SVIL: variants seen among roughly 807,000 people sequenced by gnomAD.
SVIL encodes the protein supervillin, also known as archvillin.
SVIL carries 101 observed loss-of-function variants against 240.4 expected under a neutral mutation model. The observed-to-expected ratio is 0.42, with a 90% CI of 0.36 to 0.50. The LOEUF is 0.50. Ranked by LOEUF, SVIL falls within the 20% of genes least tolerant of loss-of-function variation. The probability of loss-of-function intolerance (pLI) is 0.01; values close to 1 mark genes in which losing one functional copy is unlikely to be tolerated. For missense variants in SVIL, 2,512 were observed against 2,818.7 expected (o/e 0.89, Z 2.46); for synonymous variants, 999 against 1,100.0 (o/e 0.91, Z 1.82).
chr10:29,533,062 T>C lies in SVIL; in HGVS notation c.1305A>G (p.Glu435=), dbSNP rs1951490912. 6.2e-7 allele frequency: 1 copy of C among 1,614,080 alleles called. No individual in the cohort carries two copies. The highest frequency in any genetic ancestry group is 1.1e-5 in the South Asian group (1 of 91,082). Residue 435 remains glutamate (E), a synonymous_variant, in exon 8 of 38, where the codon GAA becomes GAG. Coordinates refer to ENST00000355867, the MANE Select transcript of SVIL (RefSeq NM_021738.3). ...SKAEEEEGEG[E]GEEKEEDVCF... is the part of the protein sequence containing the mutation. The stretch of plus-strand genomic sequence containing the variant: ...ACACATCTTCTTCTTTTTCTTCTCC[T>C]TCTCCTTCCCCTTCTTCTTCTTCTG...
intron 5 of SVIL, among the ~76,000 whole-genome samples, chr10:29,554,476 T>C (rs1953708788): frequency 6.6e-6 from 1 of 151,990 alleles, no homozygotes; most frequent in African/African-American, 2.4e-5. Context: ...AGACTCTGTC[T>C]CTACAAAAAT....
intron 1 of SVIL, among the ~76,000 whole-genome samples, chr10:29,726,227 A>G (rs1454318650): frequency 2.6e-5 from 4 of 152,094 alleles, no homozygotes; most frequent in Non-Finnish European, 4.4e-5. Flanking sequence ...TGGCCCCCAC[A>G]TATATCTTTT....
intron 21 of SVIL, among the ~76,000 whole-genome samples, chr10:29,491,708 A>G (rs190546994): frequency 4.1e-4 from 62 of 151,606 alleles, no homozygotes; most frequent in African/African-American, 1.4e-3. Flanking sequence ...TCCTGCTGCC[A>G]CTCTCCACCT....
intron 21 of SVIL, among the ~76,000 whole-genome samples, chr10:29,491,662 G>A (rs1002997086): frequency 6.6e-6 from 1 of 152,162 alleles, no homozygotes; most frequent in African/African-American, 2.4e-5. Flanking sequence ...GACTAGGGAA[G>A]GTGAGCAGAC....
At position 29,458,702 on chromosome 10, in the gene SVIL, A is replaced by G. The variant is rs1409184865; in HGVS notation, c.6403-113T>C. 7 of 1,133,298 alleles carry G rather than the reference A, an allele frequency of 6.2e-6. No homozygotes were observed. In the East Asian group the frequency reaches 1.6e-4, roughly 26 times the overall value. The allele number at this position is 1,133,298 out of a possible 1,614,324, so 70.2% of individuals were successfully genotyped here. A position where few individuals can be genotyped will look rare whatever the true frequency, so the allele number is the denominator to read the frequency against. Reference sequence around the variant, plus strand: ...CCACCTGCATACTGCCTGAGGATGCATAGTTCCATATCACTGAGGAGGAAA... The same window carrying G: ...CCACCTGCATACTGCCTGAGGATGCGTAGTTCCATATCACTGAGGAGGAAA... On this transcript the variant is annotated intron_variant, in intron 36 of 37. Transcript: ENST00000355867.
At position 29,499,097 on chromosome 10, in the gene SVIL, T is replaced by A. The variant is rs776181577; in HGVS notation, c.3664+19A>T. ...GTGCATTGTGCACACACCACACACATGGACACACACACACTGACCTTTCTT... is the reference window on the plus strand; with the variant it reads ...GTGCATTGTGCACACACCACACACAAGGACACACACACACTGACCTTTCTT... On this transcript the variant is annotated intron_variant, in intron 18 of 37. Transcript: ENST00000355867. 6.2e-7 allele frequency: 1 copy of A among 1,611,756 alleles called. No homozygotes were observed. The highest frequency in any genetic ancestry group is 1.1e-5 in the South Asian group (1 of 90,682).
intron 1 of SVIL, among the ~76,000 whole-genome samples, chr10:29,583,606 G>T (rs1257823766): frequency 2.0e-5 from 3 of 152,150 alleles, no homozygotes; most frequent in Non-Finnish European, 4.4e-5. Flanking sequence ...GGCCTCCATG[G>T]GTTGTATTAA....
chr10:29,626,319 G>T (rs1303903972), intron 1 of SVIL, among the ~76,000 whole-genome samples: 4 of 152,180 alleles, frequency 2.6e-5, no homozygotes, highest in African/African-American at 9.7e-5. Context: ...AAGATCAAGA[G>T]AATCGCTCAG....
rs576669516 is a variant in SVIL, at chr10:29,581,502, C to T, written c.-200-12190G>A. On this transcript the variant is annotated intron_variant, in intron 1 of 37. Coordinates refer to ENST00000355867, the MANE Select transcript of SVIL (RefSeq NM_021738.3). ...GACCACATAGGTGGAGATGAAAAGG[C>T]AAAGTACGTTCAATAAGAAATGTTG... 5.3e-5 allele frequency among the ~76,000 whole-genome samples: 8 copies of T among 152,306 alleles called. No individual in the cohort carries two copies. In the South Asian group the frequency reaches 1.7e-3, roughly 32 times the overall value.
intron 2 of SVIL, among the ~76,000 whole-genome samples, chr10:29,676,365 T>C (rs1001268201): frequency 2.2e-5 from 3 of 137,138 alleles, no homozygotes; most frequent in African/African-American, 8.6e-5. Flanking sequence ...TGTTTTTAAG[T>C]GGAAAAAAAA....
intron 1 of SVIL, among the ~76,000 whole-genome samples, chr10:29,699,357 T>A (rs768233964): frequency 2.9e-4 from 32 of 110,836 alleles, no homozygotes; most frequent in Non-Finnish European, 5.6e-4. Flanking sequence ...CAGGCTGAAA[T>A]GCAGTGCAAT....
At chr10:29,577,295 C>T (rs901953824) in intron 1 of SVIL, among the ~76,000 whole-genome samples, 4 of 152,148 alleles carry the variant, frequency 2.6e-5, no homozygotes, top group African/African-American at 9.7e-5. Context: ...GAGCAGTGTA[C>T]AGTGTACCTA....
At chr10:29,592,083 T>A (rs1385262331) in intron 1 of SVIL, among the ~76,000 whole-genome samples, 1 of 152,084 alleles carries the variant, frequency 6.6e-6, no homozygotes, top group Non-Finnish European at 1.5e-5. Context: ...AAACCACATC[T>A]CTACTAAGAA....
chr10:29,635,889 T>C (rs532095174), upstream of SVIL, among the ~76,000 whole-genome samples: 7 of 152,264 alleles, frequency 4.6e-5, no homozygotes, highest in South Asian at 1.2e-3. Context: ...GTGGTATGCC[T>C]CTGGGTGTCA....
At chr10:29,566,827 C>T (rs1235518351) in intron 2 of SVIL, among the ~76,000 whole-genome samples, 2 of 152,132 alleles carry the variant, frequency 1.3e-5, no homozygotes, top group African/African-American at 4.8e-5. Flanking sequence ...GATGCTGGAT[C>T]CTGCCCTTCC....
intron 1 of SVIL, among the ~76,000 whole-genome samples, chr10:29,571,826 A>C (rs1955434356): frequency 6.6e-6 from 1 of 152,214 alleles, no homozygotes; most frequent in Non-Finnish European, 1.5e-5. Flanking sequence ...AGCTAAGGAA[A>C]TAGGGCTAGA....
intron 1 of SVIL, among the ~76,000 whole-genome samples, chr10:29,717,502 G>A (rs1475947335): frequency 5.9e-5 from 9 of 152,004 alleles, no homozygotes; most frequent in African/African-American, 2.2e-4. Context: ...TATATAAATT[G>A]CCTTCAAAAT....
At chr10:29,599,706 C>G (rs530818100) in intron 1 of SVIL, among the ~76,000 whole-genome samples, 1 of 152,258 alleles carries the variant, frequency 6.6e-6, no homozygotes, top group East Asian at 1.9e-4. Context: ...CATGAGCCAC[C>G]ATGCCAAGCC....
chr10:29,606,751 C>T (rs1405425908), intron 1 of SVIL, among the ~76,000 whole-genome samples: 2 of 151,970 alleles, frequency 1.3e-5, no homozygotes, highest in African/African-American at 2.4e-5. Flanking sequence ...AAACATTTAA[C>T]TATTTTTTTA....
Sources: gnomAD v4.1 joint callset for allele counts (sites outside exome capture counted in the v4.1 genomes callset) on GRCh38, gnomAD v4.1.1 for gene constraint, MANE v1.5 for transcripts, NCBI Gene and HGNC (gene_info 2026-07-23, HGNC 2026-07-21) for gene names.